CNTN5: variants seen among roughly 807,000 people sequenced by gnomAD.
CNTN5 encodes contactin-5.
In CNTN5, 77 loss-of-function variants were observed where a neutral mutation model predicts 129.1. That is an observed-to-expected ratio of 0.60 (90% CI 0.50 to 0.72). CNTN5 has a LOEUF of 0.72. CNTN5 is among the 30% of genes least tolerant of loss of function. The pLI, the probability that CNTN5 is intolerant of heterozygous loss-of-function variation, is 0.00. For synonymous variants in CNTN5, 509 were observed against 465.6 expected (o/e 1.09, Z -1.20); for missense variants, 1,478 against 1,328.8 (o/e 1.11, Z -1.75).
intron 2 of CNTN5, among the ~76,000 whole-genome samples, chr11:99,519,783 AAAG>A (rs1947203225): frequency 6.6e-6 from 1 of 152,096 alleles, no homozygotes; most frequent in Admixed American, 6.6e-5. Context: ...ACATGGAAAA[AAAG>A]AAGAGCATTT....
At chr11:99,924,474 C>G (rs1004616653) in intron 7 of CNTN5, among the ~76,000 whole-genome samples, 2 of 152,052 alleles carry the variant, frequency 1.3e-5, no homozygotes, top group East Asian at 3.9e-4. Context: ...CCAGTTTTCC[C>G]AGAACCATTT....
chr11:99,238,185 C>G (rs1236701098), intron 1 of CNTN5, among the ~76,000 whole-genome samples: 2 of 152,034 alleles, frequency 1.3e-5, no homozygotes, highest in Admixed American at 1.3e-4. Flanking sequence ...GAATAATGCA[C>G]ATGGGGTTAA....
chr11:99,070,108 C>T lies in CNTN5; in HGVS notation c.-210+48838C>T, dbSNP rs77606857. Among the ~76,000 whole-genome samples, 810 of 152,274 alleles carry T rather than the reference C, an allele frequency of 5.3e-3. 9 individuals carry two copies. The highest frequency in any genetic ancestry group is 0.019 in the African/African-American group (782 of 41,556). On this transcript the variant is annotated intron_variant, in intron 1 of 24. Transcript: ENST00000524871. Reference sequence around the variant, plus strand: ...GTCCGCACTGGTATGAAAATGGTTCCGTCAAGAACTGTCCTGGCCGTGCTC... The same window carrying T: ...GTCCGCACTGGTATGAAAATGGTTCTGTCAAGAACTGTCCTGGCCGTGCTC...
chr11:99,034,885 C>T (rs1321011803), intron 1 of CNTN5, among the ~76,000 whole-genome samples: 1 of 150,348 alleles, frequency 6.7e-6, no homozygotes, highest in Non-Finnish European at 1.5e-5. Flanking sequence ...TAGATCTTTC[C>T]TGCTTTCTCT....
At chr11:99,775,030 A>C (rs1417667200) in intron 3 of CNTN5, among the ~76,000 whole-genome samples, 1 of 152,080 alleles carries the variant, frequency 6.6e-6, no homozygotes, top group Non-Finnish European at 1.5e-5. Flanking sequence ...ATGCTTTGGC[A>C]GAGCCATCAG....
intron 1 of CNTN5, among the ~76,000 whole-genome samples, chr11:99,136,147 A>T (rs537169731): frequency 1.3e-5 from 2 of 152,162 alleles, no homozygotes; most frequent in South Asian, 4.1e-4. Flanking sequence ...TTACCTGGCC[A>T]TTCTTCTTAC....
At chr11:99,736,126 C>T (rs1322195324) in intron 3 of CNTN5, among the ~76,000 whole-genome samples, 3 of 151,626 alleles carry the variant, frequency 2.0e-5, no homozygotes, top group African/African-American at 4.9e-5. Context: ...TTCTTTTGAG[C>T]GTGGGACAAA....
At chr11:99,851,427 G>C (rs12808066) in intron 6 of CNTN5, among the ~76,000 whole-genome samples, 34,418 of 152,034 alleles carry the variant, frequency 0.23, 3,961 homozygotes, top group South Asian at 0.26. Context: ...CTCAGCTACT[G>C]TAGTGATTTC....
At chr11:99,550,454 T>G (rs1184939897) in intron 2 of CNTN5, among the ~76,000 whole-genome samples, 4 of 152,162 alleles carry the variant, frequency 2.6e-5, no homozygotes, top group Non-Finnish European at 4.4e-5. Context: ...TATGTTCCTT[T>G]TCTATGAGCC....
intron 7 of CNTN5, among the ~76,000 whole-genome samples, chr11:99,945,209 C>G (rs954230106): frequency 2.0e-5 from 3 of 151,982 alleles, no homozygotes; most frequent in African/African-American, 7.2e-5. Context: ...AAGAGTAAAA[C>G]TACTCCTAAA....
chr11:99,244,245 G>A (rs1359702180), intron 1 of CNTN5, among the ~76,000 whole-genome samples: 2 of 152,128 alleles, frequency 1.3e-5, no homozygotes, highest in Non-Finnish European at 2.9e-5. Context: ...TTCTCAATTT[G>A]CCTCTAAGCT....
intron 2 of CNTN5, among the ~76,000 whole-genome samples, chr11:99,546,731 C>T (rs900022862): frequency 3.9e-5 from 6 of 152,074 alleles, no homozygotes; most frequent in Non-Finnish European, 8.8e-5. Context: ...GGATACTTTG[C>T]GGTCTGGCCT....
chr11:99,828,224 T>C (rs978404787), intron 4 of CNTN5, among the ~76,000 whole-genome samples: 49 of 152,206 alleles, frequency 3.2e-4, no homozygotes, highest in Non-Finnish European at 1.0e-4. Flanking sequence ...AAAAAAACTT[T>C]ATGAGCCTTT....
chr11:100,186,651 C>A (rs1156338888), intron 13 of CNTN5, among the ~76,000 whole-genome samples: 2 of 152,060 alleles, frequency 1.3e-5, no homozygotes, highest in Non-Finnish European at 2.9e-5. Flanking sequence ...TGCAAGAATG[C>A]TGATTTAAAT....
chr11:100,209,983 G>A (rs1042541253), intron 15 of CNTN5, among the ~76,000 whole-genome samples: 1 of 152,022 alleles, frequency 6.6e-6, no homozygotes, highest in South Asian at 2.1e-4. Flanking sequence ...ATTACATTAA[G>A]CATTTATTAT....
At chr11:99,805,956 T>G (rs981957614) in intron 3 of CNTN5, among the ~76,000 whole-genome samples, 12 of 152,196 alleles carry the variant, frequency 7.9e-5, no homozygotes, top group Admixed American at 6.5e-4. Flanking sequence ...AATCTCAAAA[T>G]GTAGTAAAGA....
intron 17 of CNTN5, among the ~76,000 whole-genome samples, chr11:100,268,103 T>C (rs1489107232): frequency 3.3e-5 from 5 of 152,118 alleles, no homozygotes; most frequent in African/African-American, 9.7e-5. Context: ...GGAGTTACTG[T>C]TAAGTGACAT....
intron 8 of CNTN5, among the ~76,000 whole-genome samples, chr11:99,997,862 A>C (rs1232052337): frequency 6.6e-6 from 1 of 152,206 alleles, no homozygotes; most frequent in Non-Finnish European, 1.5e-5. Context: ...TACGCATATC[A>C]ATAAATGTAA....
intron 2 of CNTN5, among the ~76,000 whole-genome samples, chr11:99,416,748 AG>A (rs1358156518): frequency 3.3e-5 from 5 of 152,190 alleles, no homozygotes; most frequent in African/African-American, 1.2e-4. Flanking sequence ...GCAAGGAGGC[AG>A]AGGCTGGAGG....
Sources: allele counts gnomAD v4.1 joint callset (sites outside exome capture counted in the v4.1 genomes callset), GRCh38; gene constraint gnomAD v4.1.1; transcripts MANE v1.5; gene names NCBI Gene and HGNC (gene_info 2026-07-23, HGNC 2026-07-21).